Variants in CDC14B observed in about 807,000 individuals in gnomAD.
The protein encoded by CDC14B is dual specificity protein phosphatase CDC14B.
Under a neutral mutation model 64.2 loss-of-function variants are expected in CDC14B, and 22 were observed. The observed-to-expected ratio is 0.34, with a 90% CI of 0.24 to 0.49. The LOEUF is 0.49. CDC14B is among the 20% of genes least tolerant of loss of function. CDC14B has a pLI of 0.99. For missense variants in CDC14B, 498 were observed against 629.9 expected (o/e 0.79, Z 2.24); for synonymous variants, 191 against 215.8 (o/e 0.89, Z 1.01).
At chr9:96,608,495 A>C (rs1190629617) in intron 1 of CDC14B, among the ~76,000 whole-genome samples, 2 of 152,224 alleles carry the variant, frequency 1.3e-5, no homozygotes, top group Non-Finnish European at 2.9e-5. Flanking sequence ...TTTTAATTCT[A>C]TTATACATTC....
chr9:96,596,882 G>A (rs1846116719), intron 1 of CDC14B, among the ~76,000 whole-genome samples: 1 of 151,004 alleles, frequency 6.6e-6, no homozygotes, highest in Non-Finnish European at 1.5e-5. Context: ...AAAAAAAAGT[G>A]TAAGAGTGAG....
At chr9:96,494,130 C>T (rs6477496) in intron 13 of CDC14B, among the ~76,000 whole-genome samples, 33,817 of 152,168 alleles carry the variant, frequency 0.22, 4,540 homozygotes, top group African/African-American at 0.38. Flanking sequence ...CAGGCAAGGA[C>T]GCTGTCTTTC....
intron 4 of CDC14B, among the ~76,000 whole-genome samples, chr9:96,561,452 GA>G (rs1691478408): frequency 6.6e-6 from 1 of 152,080 alleles, no homozygotes; most frequent in African/African-American, 2.4e-5. Flanking sequence ...AAGTGGGGAA[GA>G]AAGAACCTAA....
rs115780143 is a variant in CDC14B at position 96,580,062 on chromosome 9, A to T, written c.161-14579T>A. Among the ~76,000 whole-genome samples the T allele has an allele frequency of 9.7e-3, 1,476 of 152,264 alleles. 30 individuals are homozygous for T. The highest frequency in any genetic ancestry group is 0.034 in the African/African-American group (1,398 of 41,552). On this transcript the variant is annotated intron_variant, in intron 1 of 13. Coordinates refer to ENST00000375241, the MANE Select transcript of CDC14B (RefSeq NM_033331.4). ...AAATAATCATATATTAAAAAGGCAAACCAGAAAAATAAATACAGATGACCA... is the reference window on the plus strand; with the variant it reads ...AAATAATCATATATTAAAAAGGCAATCCAGAAAAATAAATACAGATGACCA...
intron 1 of CDC14B, among the ~76,000 whole-genome samples, chr9:96,570,046 A>G (rs879065245): frequency 6.6e-6 from 1 of 152,138 alleles, no homozygotes; most frequent in Admixed American, 6.6e-5. Flanking sequence ...CATCATCACT[A>G]CTTCTTCTTT....
intron 9 of CDC14B, among the ~76,000 whole-genome samples, chr9:96,528,688 C>T (rs550222986): frequency 6.6e-6 from 1 of 152,298 alleles, no homozygotes; most frequent in South Asian, 2.1e-4. Flanking sequence ...TCCATAGCAG[C>T]TGCATTGTTT....
intron 1 of CDC14B, among the ~76,000 whole-genome samples, chr9:96,575,371 T>C (rs1391413433): frequency 1.3e-5 from 2 of 152,162 alleles, no homozygotes; most frequent in Admixed American, 6.5e-5. Context: ...GGAACTAAGG[T>C]AGAAAAAAGT....
chr9:96,595,470 C>A (rs913396947), intron 1 of CDC14B, among the ~76,000 whole-genome samples: 1 of 152,156 alleles, frequency 6.6e-6, no homozygotes, highest in Non-Finnish European at 1.5e-5. Context: ...TTCCATATAT[C>A]GGTAAGATAG....
intron 1 of CDC14B, among the ~76,000 whole-genome samples, chr9:96,604,026 C>G (rs564019823): frequency 6.6e-6 from 1 of 152,186 alleles, no homozygotes; most frequent in Non-Finnish European, 1.5e-5. Context: ...ACTTTACAGG[C>G]ACACACTCTG....
intron 1 of CDC14B, among the ~76,000 whole-genome samples, chr9:96,575,228 G>A (rs1232506735): frequency 6.6e-6 from 1 of 152,174 alleles, no homozygotes; most frequent in Admixed American, 6.5e-5. Flanking sequence ...CCTTGTGGTT[G>A]TCCGATGTGC....
chr9:96,602,568 A>C (rs962265541), intron 1 of CDC14B, among the ~76,000 whole-genome samples: 3 of 151,350 alleles, frequency 2.0e-5, no homozygotes, highest in Non-Finnish European at 4.4e-5. Context: ...TGTGCAGGGA[A>C]ACTCCCCTTT....
exon 14 of CDC14B, chr9:96,491,033 G>C (rs1401591722): frequency 2.0e-5 from 3 of 152,314 alleles, no homozygotes; most frequent in Non-Finnish European, 4.4e-5. Flanking sequence ...GTCCCACCCT[G>C]AACAGAGCTG....
chr9:96,610,122 C>T (rs900146459), intron 1 of CDC14B, among the ~76,000 whole-genome samples: 1 of 152,086 alleles, frequency 6.6e-6, no homozygotes, highest in African/African-American at 2.4e-5. Context: ...CACACACACC[C>T]ATTCAGATTT....
At chr9:96,610,308 C>T (rs564611322) in intron 1 of CDC14B, among the ~76,000 whole-genome samples, 7 of 152,126 alleles carry the variant, frequency 4.6e-5, no homozygotes, top group Non-Finnish European at 7.4e-5. Flanking sequence ...ACGCCATTCT[C>T]CTGCCTCAGC....
intron 9 of CDC14B, among the ~76,000 whole-genome samples, chr9:96,528,306 G>C (rs995414179): frequency 1.3e-5 from 2 of 152,086 alleles, no homozygotes; most frequent in African/African-American, 4.8e-5. Flanking sequence ...TGGACTACTT[G>C]AGGTCAGGAG....
chr9:96,541,972 T>G (rs1840124748), intron 5 of CDC14B, 80 bp from the exon 6 acceptor site: 1 of 912,430 alleles, frequency 1.1e-6, no homozygotes, highest in Admixed American at 2.1e-5. Flanking sequence ...GACTAGAATT[T>G]AAAATCAAAT....
At chr9:96,503,869 CA>C in intron 13 of CDC14B, 80 bp from the exon 14 acceptor site, 2 of 1,113,790 alleles carry the variant, frequency 1.8e-6, no homozygotes, top group Non-Finnish European at 2.7e-6. Context: ...AGGAGGGCAA[CA>C]TAATAAAAAT....
rs1019780460 is a variant in CDC14B, at chr9:96,500,480, C to T, written c.*3273G>A. 6.6e-6 allele frequency: 1 copy of T among 152,224 alleles called. No individual in the cohort carries two copies. Among genetic ancestry groups the T allele is most frequent in the Non-Finnish European group, 1.5e-5 (1 of 67,986 alleles). The allele number at this position is 152,224 out of a possible 1,614,324, so 9.4% of individuals were successfully genotyped here. On this transcript the variant is annotated 3_prime_UTR_variant, in exon 14 of 14. Coordinates refer to ENST00000375241, the MANE Select transcript of CDC14B (RefSeq NM_033331.4). Reference sequence around the variant, plus strand: ...TAATAGAAAACTGCAGTACTATCATCGGATGAACATGTCTGCTGACAATTC... The same window carrying T: ...TAATAGAAAACTGCAGTACTATCATTGGATGAACATGTCTGCTGACAATTC...
chr9:96,559,449 C>G (rs541383668), intron 4 of CDC14B, among the ~76,000 whole-genome samples: 2 of 152,166 alleles, frequency 1.3e-5, no homozygotes, highest in African/African-American at 2.4e-5. Flanking sequence ...ATCAAGGATG[C>G]GGATCAGTTT....
Sources: gnomAD v4.1 joint callset for allele counts (sites outside exome capture counted in the v4.1 genomes callset) on GRCh38, gnomAD v4.1.1 for gene constraint, MANE v1.5 for transcripts, NCBI Gene and HGNC (gene_info 2026-07-23, HGNC 2026-07-21) for gene names.